Variants in MYOZ1 observed in about 807,000 individuals in gnomAD.
The protein encoded by MYOZ1 is myozenin 1.
In MYOZ1, 20 loss-of-function variants were observed where a neutral mutation model predicts 28.7. That is an observed-to-expected ratio of 0.70 (90% CI 0.49 to 1.01). The LOEUF (loss-of-function observed/expected upper bound fraction) is 1.01. Ranked by LOEUF, MYOZ1 falls within the 50% of genes least tolerant of loss-of-function variation. The pLI, the probability that MYOZ1 is intolerant of heterozygous loss-of-function variation, is 0.00. For synonymous variants in MYOZ1, 144 were observed against 145.8 expected (o/e 0.99, Z 0.09); for missense variants, 371 against 372.4 (o/e 1.00, Z 0.03).
intron 3 of MYOZ1, among the ~76,000 whole-genome samples, chr10:73,636,109 G>A (rs1383003829): frequency 6.6e-6 from 1 of 152,034 alleles, no homozygotes; most frequent in Non-Finnish European, 1.5e-5. Context: ...TTCTGCCCCC[G>A]GCCCCATGCA....
chr10:73,641,139 T>A (rs925919560), intron 1 of MYOZ1, among the ~76,000 whole-genome samples: 1 of 152,170 alleles, frequency 6.6e-6, no homozygotes, highest in African/African-American at 2.4e-5. Flanking sequence ...CTAAGTCCTG[T>A]CTCAAAAAAT....
At chr10:73,634,856 TC>T in intron 3 of MYOZ1, 123 bp from the exon 4 acceptor site, 1 of 1,171,434 alleles carries the variant, frequency 8.5e-7, no homozygotes, top group Admixed American at 2.6e-5. Flanking sequence ...TTCTGATATT[TC>T]CCCCTCCAGT....
chr10:73,634,389 G>A, intron 4 of MYOZ1, 95 bp downstream of exon 4: 1 of 1,439,120 alleles, frequency 6.9e-7, no homozygotes, highest in Non-Finnish European at 9.3e-7. Context: ...TATTTAAACT[G>A]ACCTCCTCTG....
At position 73,633,826 on chromosome 10, in the gene MYOZ1, A is replaced by G. The variant is rs2081650243; in HGVS notation, c.668+74T>C. ...CTTAGCCTCCTTCTGAAACATTTGA[A>G]TTAGTCTCCATCCTAACTAAAGACA... On this transcript the variant is annotated intron_variant, in intron 5 of 5. Transcript: ENST00000359322. 4 of 1,465,038 alleles carry G rather than the reference A, an allele frequency of 2.7e-6. No individual in the cohort carries two copies. The Admixed American group carries it at 7.0e-5, about 26-fold the overall frequency. The allele number at this position is 1,465,038 out of a possible 1,614,324, so 90.8% of individuals were successfully genotyped here. A position where few individuals can be genotyped will look rare whatever the true frequency, so the allele number is the denominator to read the frequency against.
chr10:73,639,832 T>C, intron 2 of MYOZ1, 113 bp downstream of exon 2: 1 of 1,067,232 alleles, frequency 9.4e-7, no homozygotes, highest in Non-Finnish European at 1.4e-6. Flanking sequence ...TCACCCGCCT[T>C]CCCACCACTT....
intron 2 of MYOZ1, among the ~76,000 whole-genome samples, chr10:73,639,643 T>A (rs112562700): frequency 3.9e-5 from 6 of 152,296 alleles, no homozygotes; most frequent in African/African-American, 1.4e-4. Flanking sequence ...TCTGTGCCAG[T>A]CTCCATTATA....
intron 5 of MYOZ1, among the ~76,000 whole-genome samples, chr10:73,632,618 C>T (rs535156447): frequency 6.8e-6 from 1 of 147,846 alleles, no homozygotes; most frequent in Non-Finnish European, 1.5e-5. Context: ...TACAAACACC[C>T]CCCCCCCAAA....
chr10:73,638,036 AT>A, intron 2 of MYOZ1, 114 bp from the exon 3 acceptor site: 1 of 933,670 alleles, frequency 1.1e-6, no homozygotes, highest in African/African-American at 1.7e-5. Context: ...GGCAGAGGTC[AT>A]TTAGGGGAAC....
rs536925475 is a variant in MYOZ1, at chr10:73,633,822, T to C, written c.668+78A>G. The C allele has an allele frequency of 3.8e-5, 55 of 1,454,954 alleles. No homozygotes were observed. The African/African-American group carries it at 4.3e-4, about 11-fold the overall frequency. 90.1% of individuals were successfully genotyped at this position (1,454,954 alleles called of 1,614,324 possible). ...TCTCCTTAGCCTCCTTCTGAAACAT[T>C]TGAATTAGTCTCCATCCTAACTAAA... On this transcript the variant is annotated intron_variant, in intron 5 of 5. Transcript: ENST00000359322.
At chr10:73,633,173 T>C (rs1298759958) in intron 5 of MYOZ1, among the ~76,000 whole-genome samples, 1 of 152,038 alleles carries the variant, frequency 6.6e-6, no homozygotes, top group Non-Finnish European at 1.5e-5. Context: ...GGCGGGTGCC[T>C]ATAATGCCAG....
Position 73,631,952 on chromosome 10 carries a change from T to A in MYOZ1, c.878A>T (p.Asp293Val). ...ACCTCACAGCTCCTCTGTTTCTCCA[T>A]CCAAGGGGATGCCAATATCCACGTT... ...DYNVDIGIPL[D>V]GETEEL The change falls in exon 6 of 6, where the codon GAT becomes GTT. Residue 293 changes from aspartate to valine, a missense_variant. Coordinates refer to ENST00000359322, the MANE Select transcript of MYOZ1 (RefSeq NM_021245.4). 6.2e-7 allele frequency: 1 copy of A among 1,613,898 alleles called. No homozygotes were observed. The highest frequency in any genetic ancestry group is 8.5e-7 in the Non-Finnish European group (1 of 1,179,874).
At chr10:73,641,206 C>T (rs1349807182) in intron 1 of MYOZ1, among the ~76,000 whole-genome samples, 1 of 152,012 alleles carries the variant, frequency 6.6e-6, no homozygotes, top group Non-Finnish European at 1.5e-5. Flanking sequence ...CCAGTGCCTC[C>T]CCCGACATCT....
rs1240011366 is a variant in MYOZ1, at chr10:73,631,710, G to A, written c.*220C>T. The A allele has an allele frequency of 1.6e-5, 8 of 512,446 alleles. No homozygotes were observed. Among genetic ancestry groups the A allele is most frequent in the Middle Eastern group, 5.2e-4 (1 of 1,910 alleles). 31.7% of individuals were successfully genotyped at this position (512,446 alleles called of 1,614,324 possible). A position where few individuals can be genotyped will look rare whatever the true frequency, so the allele number is the denominator to read the frequency against. ...TGGTGGCAGAGCAAATTCCATAAAC[G>A]AGCAGGTTCCATATGGAGCAAGTAG... On this transcript the variant is annotated 3_prime_UTR_variant, in exon 6 of 6. Transcript: ENST00000359322.
At chr10:73,641,212 CA>C (rs1267707348) in intron 1 of MYOZ1, among the ~76,000 whole-genome samples, 198 bp downstream of exon 1, 2 of 152,070 alleles carry the variant, frequency 1.3e-5, no homozygotes, top group Non-Finnish European at 2.9e-5. Flanking sequence ...CCTCCCCCGA[CA>C]TCTCCATTCC....
Position 73,633,982 on chromosome 10 carries a change from G to A in MYOZ1, c.586C>T (p.Pro196Ser). Residue 196 changes from proline to serine, a missense_variant, in exon 5 of 6, where the codon CCC (proline) becomes TCC (serine). Pro to Ser is a moderately conservative substitution (Grantham distance 74). Transcript: ENST00000359322. ...ATGCCAAGTTCCATTTTTTGCTGGG[G>A]GTCAACCCCCATGGCTCGCTCCCAT... ...SPWERAMGVD[P>S]QQKMELGIDL... The A allele has an allele frequency of 6.2e-7, 1 of 1,613,510 alleles. No homozygotes were observed. The highest frequency in any genetic ancestry group is 2.2e-5 in the East Asian group (1 of 44,848).
chr10:73,638,310 TA>T (rs2081680740), intron 2 of MYOZ1, among the ~76,000 whole-genome samples: 2 of 150,520 alleles, frequency 1.3e-5, no homozygotes, highest in African/African-American at 4.9e-5. Flanking sequence ...TATATATATA[TA>T]TATTTGTTTT....
At position 73,632,615 on chromosome 10, in the gene MYOZ1, ACC is replaced by A. The variant is rs368569767; in HGVS notation, c.669-456_669-455del. 2.3e-3 allele frequency among the ~76,000 whole-genome samples: 228 copies of A among 101,098 alleles called. 2 individuals carry two copies. The highest frequency in any genetic ancestry group is 7.1e-3 in the Admixed American group (67 of 9,436). The allele number at this position is 101,098 out of a possible 152,430, so 66.3% of individuals were successfully genotyped here. A position where few individuals can be genotyped will look rare whatever the true frequency, so the allele number is the denominator to read the frequency against. On this transcript the variant is annotated intron_variant, in intron 5 of 5. Coordinates refer to ENST00000359322, the MANE Select transcript of MYOZ1 (RefSeq NM_021245.4). ...CGCCATCTCTACTAAAAATACAAAC[ACC>A]CCCCCCCCAAAAAAAAATTAGCTGG...
intron 3 of MYOZ1, among the ~76,000 whole-genome samples, chr10:73,636,659 T>C (rs1186642734): frequency 6.6e-6 from 1 of 152,010 alleles, no homozygotes; most frequent in Non-Finnish European, 1.5e-5. Flanking sequence ...TCTTGCCATG[T>C]TGCCCAGGCT....
chr10:73,631,811 C>T lies in MYOZ1; in HGVS notation c.*119G>A, dbSNP rs1267709216. 3.5e-6 allele frequency: 3 copies of T among 867,800 alleles called. No individual in the cohort carries two copies. Among genetic ancestry groups the T allele is most frequent in the Admixed American group, 4.9e-5 (2 of 40,872 alleles). 53.8% of individuals were successfully genotyped at this position (867,800 alleles called of 1,614,324 possible). A position where few individuals can be genotyped will look rare whatever the true frequency, so the allele number is the denominator to read the frequency against. The stretch of plus-strand genomic sequence containing the variant: ...GTAAAGGATGGAAAGGTAGATCTCT[C>T]CTTTTTCCCTCCATTCCCATAAGGA... On this transcript the variant is annotated 3_prime_UTR_variant, in exon 6 of 6. Coordinates refer to ENST00000359322, the MANE Select transcript of MYOZ1 (RefSeq NM_021245.4).
Sources: gnomAD v4.1 joint callset for allele counts (sites outside exome capture counted in the v4.1 genomes callset) on GRCh38, gnomAD v4.1.1 for gene constraint, MANE v1.5 for transcripts, NCBI Gene and HGNC (gene_info 2026-07-23, HGNC 2026-07-21) for gene names.